The following IRS1 variants were observed in gnomAD, a reference collection of about 807,000 sequenced individuals.
IRS1 encodes the protein insulin receptor substrate 1.
Under a neutral mutation model 65.6 loss-of-function variants are expected in IRS1, and 34 were observed. The ratio of observed to expected loss-of-function variants is 0.52; its 90% CI spans 0.39 to 0.69. The LOEUF (loss-of-function observed/expected upper bound fraction) is 0.69. Ranked by LOEUF, IRS1 falls within the 30% of genes least tolerant of loss-of-function variation. The probability of loss-of-function intolerance (pLI) is 0.00; values close to 1 mark genes in which losing one functional copy is unlikely to be tolerated. For missense variants in IRS1, 1,641 were observed against 1,720.2 expected, an observed-to-expected ratio of 0.95 and a Z score of 0.81; for synonymous variants, 699 against 683.5, an observed-to-expected ratio of 1.02 and a Z score of -0.35.
intron 1 of IRS1, among the ~76,000 whole-genome samples, chr2:226,760,182 A>T (rs549147902): frequency 1.1e-4 from 17 of 152,234 alleles, no homozygotes; most frequent in East Asian, 3.9e-4. Flanking sequence ...CTCAGAAAAA[A>T]AATAATAATA....
chr2:226,795,903 G>A lies in IRS1; in HGVS notation c.2836C>T (p.Leu946=), dbSNP rs765722350. The A allele has an allele frequency of 6.8e-6, 11 of 1,613,940 alleles. No individual in the cohort carries two copies. The highest frequency in any genetic ancestry group is 8.5e-6 in the Non-Finnish European group (10 of 1,180,038). Reference sequence around the variant, plus strand: ...CAGGCTGCCCTCCGGCCCGGCCCCAGGTCCATCTTCATGTACTCCTCAGTG... The same window carrying A: ...CAGGCTGCCCTCCGGCCCGGCCCCAAGTCCATCTTCATGTACTCCTCAGTG... ...TGTEEYMKMD[L]GPGRRAAWQE... is the part of the protein sequence containing the mutation. The change falls in exon 1 of 2, where the codon CTG becomes TTG. Residue 946 remains leucine (L), a synonymous_variant. Coordinates refer to ENST00000305123, the MANE Select transcript of IRS1 (RefSeq NM_005544.3).
intron 1 of IRS1, among the ~76,000 whole-genome samples, chr2:226,740,418 G>C (rs1938414987): frequency 6.6e-6 from 1 of 152,250 alleles, no homozygotes; most frequent in East Asian, 1.9e-4. Context: ...TTGCATTATT[G>C]CATCTAGTAG....
At position 226,796,257 on chromosome 2, in the gene IRS1, TG is replaced by T. The variant is rs1939720940; in HGVS notation, c.2481del (p.Ser828AlafsTer115). The T allele has an allele frequency of 6.2e-7, 1 of 1,613,328 alleles. No homozygotes were observed. The highest frequency in any genetic ancestry group is 8.5e-7 in the Non-Finnish European group (1 of 1,179,994). On this transcript the variant is annotated frameshift_variant, in exon 1 of 2. Coordinates refer to ENST00000305123, the MANE Select transcript of IRS1 (RefSeq NM_005544.3). LOFTEE classifies it high-confidence loss of function. ...GGGYCGARLE[P>X]SLPHPHHQVL... ...ACCTGATGGTGGGGATGTGGAAGGCTGGGCTCCAGCCTAGCCCCGCAGTATC... is the reference window on the plus strand; with the variant it reads ...ACCTGATGGTGGGGATGTGGAAGGCTGGCTCCAGCCTAGCCCCGCAGTATC...
chr2:226,795,371 G>GC lies in IRS1; in HGVS notation c.3367dup (p.Ala1123GlyfsTer9). 6.2e-7 allele frequency: 1 copy of GC among 1,613,080 alleles called. No homozygotes were observed. The highest frequency in any genetic ancestry group is 1.1e-5 in the South Asian group (1 of 91,074). The stretch of plus-strand genomic sequence containing the variant: ...GCTACCGCCACCGCCCCCTACTGCT[G>GC]CCCCCGCTCCAAAGGGCACTGTGTT... On this transcript the variant is annotated frameshift_variant, in exon 1 of 2. Coordinates refer to ENST00000305123, the MANE Select transcript of IRS1 (RefSeq NM_005544.3). LOFTEE classifies it high-confidence loss of function.
intron 1 of IRS1, among the ~76,000 whole-genome samples, chr2:226,774,637 G>C (rs879943083): frequency 2.6e-5 from 4 of 152,204 alleles, no homozygotes; most frequent in Non-Finnish European, 4.4e-5. Context: ...TAGTATTAAA[G>C]GAAAGCTGAG....
chr2:226,782,128 G>A (rs1574657398), intron 1 of IRS1, among the ~76,000 whole-genome samples: 1 of 151,964 alleles, frequency 6.6e-6, no homozygotes, highest in Admixed American at 6.6e-5. Flanking sequence ...GGGGGCAGAG[G>A]GAGCTAGTAA....
At chr2:226,741,577 C>T (rs1938437035) in intron 1 of IRS1, among the ~76,000 whole-genome samples, 1 of 152,054 alleles carries the variant, frequency 6.6e-6, no homozygotes, top group African/African-American at 2.4e-5. Context: ...ATTCTGTCTT[C>T]CCACGTCTGT....
chr2:226,775,069 T>A (rs1939242023), intron 1 of IRS1, among the ~76,000 whole-genome samples: 1 of 152,110 alleles, frequency 6.6e-6, no homozygotes, highest in Non-Finnish European at 1.5e-5. Context: ...GCACAAACAG[T>A]AAACTTTAAT....
chr2:226,772,677 TAA>T (rs58764928), intron 1 of IRS1, among the ~76,000 whole-genome samples: 115 of 108,478 alleles, frequency 1.1e-3, no homozygotes, highest in Middle Eastern at 5.0e-3. Flanking sequence ...ACATGGACAG[TAA>T]AAAAAAAAAA....
chr2:226,798,578 C>T lies in IRS1; in HGVS notation c.161G>A (p.Arg54Gln), dbSNP rs1333900690. 10 of 1,613,902 alleles carry T rather than the reference C, an allele frequency of 6.2e-6. No homozygotes were observed. Among genetic ancestry groups the T allele is most frequent in the Non-Finnish European group, 8.5e-6 (10 of 1,180,010 alleles). The change falls in exon 1 of 2, where the codon CGG becomes CAG. Residue 54 changes from arginine (R) to glutamine (Q), a missense_variant. Coordinates refer to ENST00000305123, the MANE Select transcript of IRS1 (RefSeq NM_005544.3). The surrounding 1 kb of genome is among the most constrained non-coding windows in gnomAD (Gnocchi z 9.4). Reference protein sequence around the residue: ...LEYYENEKKWRHKSSAPKRSI... With the variant: ...LEYYENEKKWQHKSSAPKRSI... Reference sequence around the variant, plus strand: ...GCGTTTGGGGGCGCTCGACTTGTGCCGCCACTTCTTCTCGTTCTCGTAGTA... The same window carrying T: ...GCGTTTGGGGGCGCTCGACTTGTGCTGCCACTTCTTCTCGTTCTCGTAGTA...
chr2:226,737,301 C>T (rs958279382), intron 1 of IRS1, among the ~76,000 whole-genome samples: 15 of 151,896 alleles, frequency 9.9e-5, no homozygotes, highest in Non-Finnish European at 2.1e-4. Context: ...CATAGTATTC[C>T]ATGGTGTATA....
chr2:226,771,586 T>C (rs1939165984), intron 1 of IRS1, among the ~76,000 whole-genome samples: 1 of 152,086 alleles, frequency 6.6e-6, no homozygotes, highest in Admixed American at 6.6e-5. Context: ...TGTATATATG[T>C]CTCTTGAATA....
chr2:226,791,676 C>T (rs1365587075), intron 1 of IRS1, among the ~76,000 whole-genome samples: 3 of 151,934 alleles, frequency 2.0e-5, no homozygotes, highest in Non-Finnish European at 2.9e-5. Context: ...CGGAGAGCCC[C>T]GCCCCGCGCC....
At chr2:226,766,120 CTTATATATATATATAT>C (rs1358134010) in intron 1 of IRS1, among the ~76,000 whole-genome samples, 7 of 31,680 alleles carry the variant, frequency 2.2e-4, no homozygotes, top group African/African-American at 6.6e-4. Flanking sequence ...CTCTCTTAAT[CTTATATATATATATAT>C]ATATATATAT....
chr2:226,755,706 T>G (rs1938783484), intron 1 of IRS1, among the ~76,000 whole-genome samples: 1 of 152,212 alleles, frequency 6.6e-6, no homozygotes, highest in Non-Finnish European at 1.5e-5. Flanking sequence ...TGTATTCCTT[T>G]CCCTCAGTAC....
At chr2:226,772,838 T>A (rs1008523126) in intron 1 of IRS1, among the ~76,000 whole-genome samples, 1 of 152,178 alleles carries the variant, frequency 6.6e-6, no homozygotes, top group Admixed American at 6.5e-5. Context: ...GTTTTAAGTA[T>A]CTTATCTGTA....
intron 1 of IRS1, among the ~76,000 whole-genome samples, chr2:226,778,019 T>C (rs961357144): frequency 6.6e-6 from 1 of 152,140 alleles, no homozygotes; most frequent in Non-Finnish European, 1.5e-5. Context: ...TAAATATTTT[T>C]TCTAAGCATT....
chr2:226,746,329 C>T (rs1415107056), intron 1 of IRS1, among the ~76,000 whole-genome samples: 1 of 152,036 alleles, frequency 6.6e-6, no homozygotes, highest in Non-Finnish European at 1.5e-5. Context: ...CTTTTGTTTC[C>T]AAATTCTTTT....
intron 1 of IRS1, among the ~76,000 whole-genome samples, chr2:226,766,149 A>ATTTTTT (rs1559152030): frequency 2.5e-4 from 1 of 3,942 alleles, no homozygotes; most frequent in Non-Finnish European, 7.5e-4. Context: ...ATATATATAT[A>ATTTTTT]TATATATATA....
Sources: gnomAD v4.1 joint callset for allele counts (sites outside exome capture counted in the v4.1 genomes callset) on GRCh38, gnomAD v4.1.1 for gene constraint, Gnocchi (gnomAD v3.1) non-coding constraint, MANE v1.5 for transcripts, NCBI Gene and HGNC (gene_info 2026-07-23, HGNC 2026-07-21) for gene names.